The following PRKG1 variants were observed in gnomAD, a reference collection of about 807,000 sequenced individuals.
PRKG1 encodes cGMP-dependent protein kinase 1.
In PRKG1, 35 loss-of-function variants were observed where a neutral mutation model predicts 88.1. That is an observed-to-expected ratio of 0.40 (90% confidence interval 0.30 to 0.53). The LOEUF is 0.53. Among genes scored for constraint, PRKG1 ranks in the 20% least tolerant of loss-of-function variants. The pLI is 0.59. For missense variants in PRKG1, 540 were observed against 839.8 expected, an observed-to-expected ratio of 0.64 and a Z score of 4.41; for synonymous variants, 303 against 292.5, an observed-to-expected ratio of 1.04 and a Z score of -0.37.
intron 4 of PRKG1, among the ~76,000 whole-genome samples, chr10:51,880,351 T>C (rs1841407179): frequency 6.6e-6 from 1 of 152,136 alleles, no homozygotes; most frequent in South Asian, 2.1e-4. Flanking sequence ...GATGACATTT[T>C]GTCAGCAAGG....
At chr10:51,384,304 G>A (rs184115343) in intron 2 of PRKG1, among the ~76,000 whole-genome samples, 19 of 152,188 alleles carry the variant, frequency 1.2e-4, no homozygotes, top group African/African-American at 4.3e-4. Context: ...AAAAACAAAT[G>A]TTATAAAATT....
chr10:51,976,641 T>C (rs2133100278), intron 5 of PRKG1, among the ~76,000 whole-genome samples: 1 of 152,074 alleles, frequency 6.6e-6, no homozygotes, highest in Non-Finnish European at 1.5e-5. Flanking sequence ...AATTGTCACA[T>C]GTTTTCTTTT....
chr10:51,522,812 T>C (rs1841769685), intron 3 of PRKG1, among the ~76,000 whole-genome samples: 1 of 152,202 alleles, frequency 6.6e-6, no homozygotes, highest in Admixed American at 6.5e-5. Flanking sequence ...TTCTGAAATG[T>C]GTTGTTGCTA....
At chr10:52,212,606 G>C (rs147693252) in intron 9 of PRKG1, among the ~76,000 whole-genome samples, 1 of 151,112 alleles carries the variant, frequency 6.6e-6, no homozygotes, top group East Asian at 2.0e-4. Flanking sequence ...GGGGGGAGAG[G>C]GGTGGTGTAG....
intron 4 of PRKG1, among the ~76,000 whole-genome samples, chr10:51,905,344 A>G (rs959195131): frequency 2.0e-5 from 3 of 152,172 alleles, no homozygotes; most frequent in African/African-American, 7.2e-5. Context: ...ACCCTAAGTA[A>G]TGGAAATCAA....
intron 3 of PRKG1, among the ~76,000 whole-genome samples, chr10:51,518,779 G>C (rs1841661337): frequency 6.6e-6 from 1 of 152,150 alleles, no homozygotes; most frequent in Non-Finnish European, 1.5e-5. Context: ...GTCAAAATAA[G>C]AATGACATAT....
At chr10:51,657,366 T>G (rs1324112076) in intron 3 of PRKG1, among the ~76,000 whole-genome samples, 3 of 152,152 alleles carry the variant, frequency 2.0e-5, no homozygotes, top group Admixed American at 1.3e-4. Flanking sequence ...TGTTTTCAGA[T>G]GAAATATAGT....
At chr10:51,136,534 A>G (rs973043053) in intron 1 of PRKG1, among the ~76,000 whole-genome samples, 1 of 138,332 alleles carries the variant, frequency 7.2e-6, no homozygotes, top group Non-Finnish European at 1.5e-5. Context: ...ATGAGCTGGT[A>G]AAGAGACTGA....
intron 2 of PRKG1, among the ~76,000 whole-genome samples, chr10:51,400,091 T>A (rs551779692): frequency 2.6e-5 from 4 of 152,356 alleles, no homozygotes; most frequent in African/African-American, 9.6e-5. Context: ...GAACCAGGTC[T>A]GATTCATTTA....
intron 11 of PRKG1, 61 bp from the exon 12 acceptor site, chr10:52,272,331 T>C (rs1841749426): frequency 4.5e-6 from 6 of 1,336,092 alleles, no homozygotes; most frequent in South Asian, 4.0e-5. Flanking sequence ...CCCCCCAAAA[T>C]TGCACACTTG....
intron 5 of PRKG1, among the ~76,000 whole-genome samples, chr10:51,917,623 T>G (rs1842371620): frequency 6.6e-6 from 1 of 152,188 alleles, no homozygotes; most frequent in Non-Finnish European, 1.5e-5. Flanking sequence ...GTATGAAATT[T>G]TAAGTATTAA....
At chr10:51,183,893 C>T (rs956411672) in intron 2 of PRKG1, among the ~76,000 whole-genome samples, 5 of 152,080 alleles carry the variant, frequency 3.3e-5, no homozygotes, top group African/African-American at 1.2e-4. Context: ...CTTGTTTATC[C>T]CTTTCCTTTG....
At chr10:51,605,471 A>G (rs532465668) in intron 3 of PRKG1, among the ~76,000 whole-genome samples, 1 of 152,272 alleles carries the variant, frequency 6.6e-6, no homozygotes, top group South Asian at 2.1e-4. Flanking sequence ...AAACAGACAT[A>G]TGTGCTTGCT....
chr10:51,594,085 T>C (rs915713779), intron 3 of PRKG1, among the ~76,000 whole-genome samples: 1 of 151,944 alleles, frequency 6.6e-6, no homozygotes, highest in Non-Finnish European at 1.5e-5. Context: ...GAGACAGTAG[T>C]GTAATCATAG....
At chr10:51,686,518 A>G (rs909146001) in intron 3 of PRKG1, among the ~76,000 whole-genome samples, 10 of 152,190 alleles carry the variant, frequency 6.6e-5, no homozygotes, top group Non-Finnish European at 1.3e-4. Context: ...TAACTAGGGG[A>G]AAAGTTTCTA....
chr10:51,384,104 A>T (rs1837188028), intron 2 of PRKG1, among the ~76,000 whole-genome samples: 1 of 152,122 alleles, frequency 6.6e-6, no homozygotes, highest in Non-Finnish European at 1.5e-5. Flanking sequence ...TGAAAAAAAA[A>T]ATTCTTTTTC....
At chr10:51,259,289 G>A (rs1199319819) in intron 2 of PRKG1, among the ~76,000 whole-genome samples, 6 of 152,096 alleles carry the variant, frequency 3.9e-5, no homozygotes, top group East Asian at 1.9e-4. Context: ...GAAGAAAATC[G>A]TTTAGCAGAT....
chr10:51,884,859 A>G (rs991889817), intron 4 of PRKG1, among the ~76,000 whole-genome samples: 1 of 152,182 alleles, frequency 6.6e-6, no homozygotes, highest in Non-Finnish European at 1.5e-5. Context: ...GTCACATTCA[A>G]AGGGAGGGGA....
intron 1 of PRKG1, among the ~76,000 whole-genome samples, chr10:51,059,284 T>G (rs1843668461): frequency 6.6e-6 from 1 of 152,238 alleles, no homozygotes; most frequent in Non-Finnish European, 1.5e-5. Context: ...AAGAAGTCTT[T>G]TAATAATTCA....
Sources: gnomAD v4.1 joint callset for allele counts (sites outside exome capture counted in the v4.1 genomes callset) on GRCh38, gnomAD v4.1.1 for gene constraint, MANE v1.5 for transcripts, NCBI Gene and HGNC (gene_info 2026-07-23, HGNC 2026-07-21) for gene names.